TENM3: variants seen among roughly 807,000 people sequenced by gnomAD.
TENM3 encodes the protein teneurin-3.
A neutral mutation model predicts 255.1 loss-of-function variants in TENM3; 63 were observed. The observed-to-expected ratio is 0.25, with a 90% CI of 0.20 to 0.30. The LOEUF (loss-of-function observed/expected upper bound fraction) is 0.30, where lower values mean the gene tolerates loss of function less well. Ranked by LOEUF, TENM3 falls within the 10% of genes least tolerant of loss-of-function variation. The pLI, the probability that TENM3 is intolerant of heterozygous loss-of-function variation, is 1.00. For synonymous variants in TENM3, 1,306 were observed against 1,322.3 expected (o/e 0.99, Z 0.27); for missense variants, 2,929 against 3,461.1 (o/e 0.85, Z 3.86).
chr4:182,773,497 A>G lies in TENM3; in HGVS notation c.4918A>G (p.Asn1640Asp). ...CTATGACAGTGAAGGTCGTCTGACA[A>G]ATGTTACGTTTCCAACTGGAGTGGT... ...FDYDSEGRLT[N>D]VTFPTGVVTN... Residue 1640 changes from asparagine to aspartate, a missense_variant, in exon 23 of 28, where the codon AAT (asparagine) becomes GAT (aspartate). Asn to Asp is a conservative substitution (Grantham distance 23, BLOSUM62 1). Transcript: ENST00000511685. The G allele has an allele frequency of 1.9e-6, 3 of 1,612,954 alleles. No homozygotes were observed. The highest frequency in any genetic ancestry group is 2.5e-6 in the Non-Finnish European group (3 of 1,179,438).
chr4:181,888,636 A>G, the TENM3 span, among the ~76,000 whole-genome samples: 1 of 139,956 alleles, frequency 7.1e-6, no homozygotes, highest in East Asian at 2.0e-4. Context: ...AGAGAGAGAG[A>G]GACTTACAGG....
intron 3 of TENM3, among the ~76,000 whole-genome samples, chr4:182,357,694 T>C (rs1765656100): frequency 6.6e-6 from 1 of 150,946 alleles, no homozygotes; most frequent in East Asian, 1.9e-4. Context: ...GGTAGTTTCT[T>C]TTGCTGTGCA....
chr4:181,778,807 G>T, the TENM3 span, among the ~76,000 whole-genome samples: 5 of 152,088 alleles, frequency 3.3e-5, no homozygotes, highest in Non-Finnish European at 5.9e-5. Flanking sequence ...TTTCTTGTTT[G>T]TCCAAGAGTT....
chr4:181,720,472 C>T, the TENM3 span, among the ~76,000 whole-genome samples: 7 of 152,236 alleles, frequency 4.6e-5, no homozygotes, highest in African/African-American at 1.7e-4. Context: ...TTCCCTCACC[C>T]ACTGATTGAA....
At chr4:181,706,942 G>T in the TENM3 span, among the ~76,000 whole-genome samples, 1 of 152,184 alleles carries the variant, frequency 6.6e-6, no homozygotes, top group Non-Finnish European at 1.5e-5. Flanking sequence ...GCTCAGCCAG[G>T]TTGCCATCTC....
chr4:182,218,880 G>A (rs1441701808), intron 1 of TENM3, among the ~76,000 whole-genome samples: 2 of 152,230 alleles, frequency 1.3e-5, no homozygotes, highest in Admixed American at 1.3e-4. Context: ...CACAAATTAT[G>A]TTGTAATTCT....
intron 1 of TENM3, among the ~76,000 whole-genome samples, chr4:182,187,653 G>A (rs2149772769): frequency 6.6e-6 from 1 of 152,002 alleles, no homozygotes; most frequent in Non-Finnish European, 1.5e-5. Flanking sequence ...TGGTTGAACA[G>A]AAATTAATTA....
At chr4:182,261,354 C>T (rs1192664938) in intron 1 of TENM3, among the ~76,000 whole-genome samples, 2 of 152,108 alleles carry the variant, frequency 1.3e-5, no homozygotes, top group Non-Finnish European at 2.9e-5. Context: ...GAACATTGCC[C>T]TTCAGAGAGT....
chr4:182,655,929 A>G (rs1444927969), intron 6 of TENM3, among the ~76,000 whole-genome samples: 2 of 152,010 alleles, frequency 1.3e-5, no homozygotes, highest in East Asian at 1.9e-4. Flanking sequence ...ATTTTATTGT[A>G]TTTCTCATTT....
At chr4:182,261,058 T>C (rs1316964130) in intron 1 of TENM3, among the ~76,000 whole-genome samples, 4 of 152,012 alleles carry the variant, frequency 2.6e-5, no homozygotes, top group African/African-American at 9.7e-5. Context: ...GTATTTTTAA[T>C]AGAGACGGGG....
At chr4:182,586,729 C>T (rs1210864754) in intron 3 of TENM3, among the ~76,000 whole-genome samples, 1 of 152,112 alleles carries the variant, frequency 6.6e-6, no homozygotes, top group African/African-American at 2.4e-5. Context: ...ATACATATCT[C>T]TGCCTAGATG....
At chr4:182,546,029 A>G (rs1387803834) in intron 3 of TENM3, among the ~76,000 whole-genome samples, 2 of 152,226 alleles carry the variant, frequency 1.3e-5, no homozygotes, top group Non-Finnish European at 2.9e-5. Context: ...AATAAAGGAA[A>G]CTAGAGAAGG....
intron 1 of TENM3, among the ~76,000 whole-genome samples, chr4:182,176,856 G>C (rs1469178346): frequency 9.2e-6 from 1 of 108,722 alleles, no homozygotes; most frequent in Non-Finnish European, 1.8e-5. Context: ...TTGATTTTTA[G>C]TAGAGATGAG....
chr4:182,425,249 A>G (rs1464949329), intron 3 of TENM3, among the ~76,000 whole-genome samples: 2 of 152,194 alleles, frequency 1.3e-5, no homozygotes, highest in Non-Finnish European at 2.9e-5. Context: ...CTCTGGAGCA[A>G]TATGTTCATT....
chr4:181,819,719 G>A, the TENM3 span, among the ~76,000 whole-genome samples: 1 of 152,126 alleles, frequency 6.6e-6, no homozygotes, highest in Non-Finnish European at 1.5e-5. Context: ...TGGAGTTCAC[G>A]ATAAGGTTCA....
At chr4:182,008,044 A>G in the TENM3 span, among the ~76,000 whole-genome samples, 1 of 152,178 alleles carries the variant, frequency 6.6e-6, no homozygotes, top group Non-Finnish European at 1.5e-5. Context: ...AATGTTGAAT[A>G]TTGGCCCCCA....
the TENM3 span, among the ~76,000 whole-genome samples, chr4:182,115,252 T>C: frequency 1.3e-5 from 2 of 152,154 alleles, no homozygotes; most frequent in Non-Finnish European, 2.9e-5. Flanking sequence ...ATATCTATAT[T>C]TGGAAAATTC....
At position 182,789,128 on chromosome 4, in the gene TENM3, T is replaced by C. The variant is rs769669666; in HGVS notation, c.5340T>C (p.Asp1780=). 15 of 1,610,304 alleles carry C rather than the reference T, an allele frequency of 9.3e-6. No individual in the cohort carries two copies. The African/African-American group carries it at 2.0e-4, about 22-fold the overall frequency. The part of the protein sequence containing the change: ...NGRNLLSVDF[D]RTTKTEKIYD... ...GAAACCTCCTTTCAGTTGACTTTGA[T>C]CGAACAACAAAGACAGAAAAGATCT... Residue 1780 remains aspartate, a synonymous_variant, in exon 25 of 28, where the codon GAT becomes GAC. Transcript: ENST00000511685. The surrounding 1 kb of genome is among the most constrained non-coding windows in gnomAD (Gnocchi z 4.4).
chr4:182,229,972 G>A (rs1045540972), intron 1 of TENM3, among the ~76,000 whole-genome samples: 2 of 152,016 alleles, frequency 1.3e-5, no homozygotes, highest in African/African-American at 4.8e-5. Flanking sequence ...ATTCATTGTG[G>A]TTGGTAGTAA....
Sources: allele counts gnomAD v4.1 joint callset (sites outside exome capture counted in the v4.1 genomes callset), GRCh38; gene constraint gnomAD v4.1.1; non-coding constraint Gnocchi (gnomAD v3.1); transcripts MANE v1.5; gene names NCBI Gene and HGNC (gene_info 2026-07-23, HGNC 2026-07-21).